Variants in DRAM2 observed in about 807,000 individuals in gnomAD.
DRAM2 encodes the protein DNA damage regulated autophagy modulator 2.
In DRAM2, 26 loss-of-function variants were observed where a neutral mutation model predicts 33.5. The observed-to-expected ratio is 0.78, with a 90% CI of 0.57 to 1.08. The LOEUF (loss-of-function observed/expected upper bound fraction) is 1.08, where lower values mean the gene tolerates loss of function less well. Ranked by LOEUF, DRAM2 falls within the 50% of genes least tolerant of loss-of-function variation. The pLI, the probability that DRAM2 is intolerant of heterozygous loss-of-function variation, is 0.00. For synonymous variants in DRAM2, 98 were observed against 109.5 expected, an observed-to-expected ratio of 0.89 and a Z score of 0.66; for missense variants, 311 against 318.1, an observed-to-expected ratio of 0.98 and a Z score of 0.17.
intron 6 of DRAM2, 50 bp from the exon 7 acceptor site, chr1:111,120,743 T>G: frequency 7.0e-7 from 1 of 1,418,860 alleles, no homozygotes; most frequent in Non-Finnish European, 9.3e-7. Context: ...TCAGAACACA[T>G]TGGCAACACA....
chr1:111,136,952 T>C (rs1447202053), intron 3 of DRAM2, among the ~76,000 whole-genome samples: 1 of 148,998 alleles, frequency 6.7e-6, no homozygotes, highest in Admixed American at 6.7e-5. Context: ...CCAGTAAAAA[T>C]TTAGAACATT....
At chr1:111,128,376 C>A (rs1203892918) in intron 4 of DRAM2, among the ~76,000 whole-genome samples, 1 of 151,944 alleles carries the variant, frequency 6.6e-6, no homozygotes, top group Non-Finnish European at 1.5e-5. Context: ...GCAGAAAAAT[C>A]AAAAAGCAGA....
At chr1:111,121,780 A>G (rs1650097992) in intron 6 of DRAM2, among the ~76,000 whole-genome samples, 1 of 152,174 alleles carries the variant, frequency 6.6e-6, no homozygotes, top group Non-Finnish European at 1.5e-5. Context: ...TAAGTTACTA[A>G]ATAATTAATG....
Position 111,126,259 on chromosome 1 carries a change from A to G in DRAM2, c.167T>C (p.Phe56Ser), listed in dbSNP as rs1233077138. ...TGTVAPEKCL[F>S]GAMLNIAAVL... ...TGCCGCAATATTTAGCATTGCCCCA[A>G]ATAAGCATTTTTCTGGAGCTACTGT... is the stretch of plus-strand genomic sequence containing the variant. The change falls in exon 5 of 10, where the codon TTT becomes TCT. Residue 56 changes from phenylalanine (F) to serine (S), a missense_variant. Phe to Ser is a radical substitution (Grantham distance 155, BLOSUM62 -2). Coordinates refer to ENST00000484310, the MANE Select transcript of DRAM2 (RefSeq NM_001349884.2). 6.2e-7 allele frequency: 1 copy of G among 1,611,404 alleles called. No individual in the cohort carries two copies. Among genetic ancestry groups the G allele is most frequent in the Non-Finnish European group, 8.5e-7 (1 of 1,178,606 alleles).
Position 111,130,152 on chromosome 1 carries a change from T to C in DRAM2, c.131+1272A>G, listed in dbSNP as rs192440184. 4.9e-3 allele frequency among the ~76,000 whole-genome samples: 743 copies of C among 152,336 alleles called. 6 individuals are homozygous for C. Among genetic ancestry groups the C allele is most frequent in the African/African-American group, 0.017 (719 of 41,570 alleles). ...TACCCATTCTTCATTCGTTGTGAGA[T>C]TTCAAAAATGTTATCAATAAATTTT... On this transcript the variant is annotated intron_variant, in intron 4 of 9. Transcript: ENST00000484310.
chr1:111,118,255 G>A lies in DRAM2; in HGVS notation c.706C>T (p.Arg236Trp), dbSNP rs753272732. The A allele has an allele frequency of 8.7e-6, 14 of 1,610,600 alleles. No individual in the cohort carries two copies. The highest frequency in any genetic ancestry group is 1.7e-5 in the Admixed American group (1 of 59,480). ...AATCCATGTAAATTGGCTTCCACCC[G>A]TAAAGAAATTTTCTGGAACAGAAAA... ...YIRDFQKISL[R>W]VEANLHGLTL... The change falls in exon 10 of 10, where the codon CGG (arginine) becomes TGG (tryptophan). Residue 236 changes from arginine to tryptophan, a missense_variant. Arg to Trp is a moderately radical substitution (Grantham distance 101). Coordinates refer to ENST00000484310, the MANE Select transcript of DRAM2 (RefSeq NM_001349884.2).
At chr1:111,133,984 AAACTTT>A (rs1571065368) in intron 3 of DRAM2, among the ~76,000 whole-genome samples, 1 of 152,176 alleles carries the variant, frequency 6.6e-6, no homozygotes, top group African/African-American at 2.4e-5. Flanking sequence ...CATCCTCACT[AAACTTT>A]AAGTTCTGTG....
chr1:111,118,277 A>G lies in DRAM2; in HGVS notation c.694-10T>C, dbSNP rs751692978. On this transcript the variant is annotated splice_polypyrimidine_tract_variant and intron_variant, in intron 9 of 9. Coordinates refer to ENST00000484310, the MANE Select transcript of DRAM2 (RefSeq NM_001349884.2). Reference sequence around the variant, plus strand: ...CCCGTAAAGAAATTTTCTGGAACAGAAAAGAAAATTATATATAGAAGTTTG... The same window carrying G: ...CCCGTAAAGAAATTTTCTGGAACAGGAAAGAAAATTATATATAGAAGTTTG... 4 of 1,593,026 alleles carry G rather than the reference A, an allele frequency of 2.5e-6. No individual in the cohort carries two copies. The Admixed American group carries it at 5.1e-5, about 20-fold the overall frequency.
intron 6 of DRAM2, among the ~76,000 whole-genome samples, chr1:111,121,440 T>G (rs1445137064): frequency 6.6e-6 from 1 of 152,086 alleles, no homozygotes; most frequent in Non-Finnish European, 1.5e-5. Flanking sequence ...AGAATAAATT[T>G]CTATTCAGTC....
At chr1:111,128,270 G>A in intron 4 of DRAM2, among the ~76,000 whole-genome samples, 1 of 151,224 alleles carries the variant, frequency 6.6e-6, no homozygotes. Context: ...TGCAGATGAA[G>A]GAAATGAGCC....
rs539004712 is a variant in DRAM2 at position 111,126,940 on chromosome 1, A to G, written c.132-646T>C. 2.0e-5 allele frequency among the ~76,000 whole-genome samples: 3 copies of G among 152,304 alleles called. No homozygotes were observed. The South Asian group carries it at 6.2e-4, about 32-fold the overall frequency. On this transcript the variant is annotated intron_variant, in intron 4 of 9. Coordinates refer to ENST00000484310, the MANE Select transcript of DRAM2 (RefSeq NM_001349884.2). The stretch of plus-strand genomic sequence containing the variant: ...ACTTCTATAAACTCACTTACCACAC[A>G]GCATTGCAATGTATCCACCTGCATG...
At chr1:111,120,839 G>GA in intron 6 of DRAM2, 146 bp from the exon 7 acceptor site, 3 of 615,148 alleles carry the variant, frequency 4.9e-6, no homozygotes, top group Non-Finnish European at 7.4e-6. Context: ...ATTACTTTCT[G>GA]AAGTAATTTT....
chr1:111,120,565 G>C lies in DRAM2; in HGVS notation c.468C>G (p.Phe156Leu). Residue 156 changes from phenylalanine to leucine, a missense_variant, in exon 7 of 10, where the codon TTC becomes TTG. Physicochemically the swap from Phe to Leu is conservative, Grantham distance 22 (BLOSUM62 0). Transcript: ENST00000484310. The part of the protein sequence containing the change: ...MQPKIHGKQV[F>L]WIRLLLVIWC... Reference sequence around the variant, plus strand: ...AGATAACCAACAACAGTCTGATCCAGAAGACTTGTTTGCCATGGATTTTGG... The same window carrying C: ...AGATAACCAACAACAGTCTGATCCACAAGACTTGTTTGCCATGGATTTTGG... 1.2e-6 allele frequency: 2 copies of C among 1,612,358 alleles called. No homozygotes were observed. Among genetic ancestry groups the C allele is most frequent in the East Asian group, 4.5e-5 (2 of 44,806 alleles).
At chr1:111,131,345 G>T in intron 4 of DRAM2, 79 bp downstream of exon 4, 1 of 1,377,120 alleles carries the variant, frequency 7.3e-7, no homozygotes, top group South Asian at 1.5e-5. Flanking sequence ...TTAAAAGGTT[G>T]ACATTAAATG....
intron 3 of DRAM2, 30 bp from the exon 4 acceptor site, chr1:111,131,598 T>A: frequency 5.0e-6 from 8 of 1,610,614 alleles, no homozygotes; most frequent in Non-Finnish European, 6.8e-6. Flanking sequence ...TTAGAAAAGA[T>A]AATTCACAAG....
chr1:111,121,801 T>C (rs1470085453), intron 6 of DRAM2, among the ~76,000 whole-genome samples: 1 of 152,168 alleles, frequency 6.6e-6, no homozygotes, highest in Admixed American at 6.6e-5. Flanking sequence ...AAAGCATGTT[T>C]GTCTTAAGTA....
At chr1:111,135,488 CG>C (rs766701369) in intron 3 of DRAM2, among the ~76,000 whole-genome samples, 10 of 152,132 alleles carry the variant, frequency 6.6e-5, no homozygotes, top group Non-Finnish European at 1.0e-4. Flanking sequence ...CCCTGTCTTT[CG>C]TAGAAGACCT....
chr1:111,122,890 TA>T (rs1451725792), intron 6 of DRAM2, among the ~76,000 whole-genome samples: 1 of 152,026 alleles, frequency 6.6e-6, no homozygotes, highest in Non-Finnish European at 1.5e-5. Flanking sequence ...TAAATTAGAA[TA>T]AAAGCTAAAA....
rs537134493 is a variant in DRAM2, at chr1:111,130,286, C to T, written c.131+1138G>A. Among the ~76,000 whole-genome samples the T allele has an allele frequency of 5.9e-5, 9 of 152,228 alleles. No homozygotes were observed. The South Asian group carries it at 1.0e-3, about 18-fold the overall frequency. On this transcript the variant is annotated intron_variant, in intron 4 of 9. Coordinates refer to ENST00000484310, the MANE Select transcript of DRAM2 (RefSeq NM_001349884.2). ...TGGTTCCAACACTGAGTTATTTGCCCATGAGCAAATAACTTGACCTCCCTG... is the reference window on the plus strand; with the variant it reads ...TGGTTCCAACACTGAGTTATTTGCCTATGAGCAAATAACTTGACCTCCCTG...
Sources: gnomAD v4.1 joint callset for allele counts (sites outside exome capture counted in the v4.1 genomes callset) on GRCh38, gnomAD v4.1.1 for gene constraint, MANE v1.5 for transcripts, NCBI Gene and HGNC (gene_info 2026-07-23, HGNC 2026-07-21) for gene names.